Variants in C1D observed in about 807,000 individuals in gnomAD.
C1D encodes nuclear nucleic acid-binding protein C1D.
Under a neutral mutation model 17.5 loss-of-function variants are expected in C1D, and 10 were observed. The ratio of observed to expected loss-of-function variants is 0.57; its 90% confidence interval spans 0.35 to 0.97. C1D has a LOEUF of 0.97. Ranked by LOEUF, C1D falls within the 50% of genes least tolerant of loss-of-function variation. C1D has a pLI of 0.01. For synonymous variants in C1D, 49 were observed against 54.0 expected (o/e 0.91, Z 0.40); for missense variants, 136 against 160.1 (o/e 0.85, Z 0.81).
chr2:68,052,427 C>G (rs1270872541), intron 1 of C1D, among the ~76,000 whole-genome samples: 2 of 152,064 alleles, frequency 1.3e-5, no homozygotes, highest in African/African-American at 4.8e-5. Flanking sequence ...TGGCTCTTAA[C>G]AAATACTGTA....
Position 68,047,207 on chromosome 2 carries a change from A to G in C1D, c.104T>C (p.Met35Thr). The G allele has an allele frequency of 6.2e-7, 1 of 1,610,662 alleles. No individual in the cohort carries two copies. The highest frequency in any genetic ancestry group is 8.5e-7 in the Non-Finnish European group (1 of 1,179,190). The change falls in exon 2 of 5, where the codon ATG becomes ACG. Residue 35 changes from methionine to threonine, a missense_variant. Coordinates refer to ENST00000410067, the MANE Select transcript of C1D (RefSeq NM_173177.3). ...IGAVDEMLKT[M>T]MSVSRNELLQ... ...CAACTCATTTCTAGAAACAGACATCATGGTCTTCAGCATCTCATCCACAGC... is the reference window on the plus strand; with the variant it reads ...CAACTCATTTCTAGAAACAGACATCGTGGTCTTCAGCATCTCATCCACAGC...
chr2:68,046,597 G>A (rs1671128824), intron 2 of C1D, 187 bp from the exon 3 acceptor site: 1 of 509,108 alleles, frequency 2.0e-6, no homozygotes, highest in Admixed American at 3.7e-5. Context: ...TTTTCTTAAT[G>A]AGTGACTTTT....
rs932639143 is a variant in C1D at position 68,043,496 on chromosome 2, G to A, written c.262-443C>T. Among the ~76,000 whole-genome samples the A allele has an allele frequency of 2.6e-5, 4 of 152,068 alleles. 1 individual carries two copies. The highest frequency in any genetic ancestry group is 1.3e-4 in the Admixed American group (2 of 15,262). ...ATTTTTCTAAACAGGAAATACATGA[G>A]GTAGTACTTAACTATCTTTTCACAT... On this transcript the variant is annotated intron_variant, in intron 4 of 4. Transcript: ENST00000410067.
rs1264205234 is a variant in C1D, at chr2:68,041,348, T to C, written c.*1541A>G. 6.6e-6 allele frequency: 1 copy of C among 152,084 alleles called. No homozygotes were observed. Among genetic ancestry groups the C allele is most frequent in the Admixed American group, 6.5e-5 (1 of 15,278 alleles). 9.4% of individuals were successfully genotyped at this position (152,084 alleles called of 1,614,324 possible). ...TGTATAACATTTTTCATTTAAGCTG[T>C]TTTTCTTTTATGAAATTAGAAAATA... On this transcript the variant is annotated 3_prime_UTR_variant, in exon 5 of 5. Coordinates refer to ENST00000410067, the MANE Select transcript of C1D (RefSeq NM_173177.3).
intron 1 of C1D, among the ~76,000 whole-genome samples, chr2:68,059,158 T>A (rs1001020347): frequency 3.3e-5 from 5 of 152,106 alleles, no homozygotes; most frequent in African/African-American, 1.2e-4. Flanking sequence ...GCAGGAGAAG[T>A]GGCAAGAGAA....
At chr2:68,044,248 G>A (rs1181828861) in intron 4 of C1D, among the ~76,000 whole-genome samples, 1 of 152,182 alleles carries the variant, frequency 6.6e-6, no homozygotes, top group Non-Finnish European at 1.5e-5. Flanking sequence ...TGCCACAAGG[G>A]CAGGGATCAG....
In C1D at chr2:68,042,781, T is replaced by A; in HGVS notation, c.*108A>T. On this transcript the variant is annotated 3_prime_UTR_variant, in exon 5 of 5. Coordinates refer to ENST00000410067, the MANE Select transcript of C1D (RefSeq NM_173177.3). ...TACATATTTACTGTGAATTTACATA[T>A]TAATAAGAAACACATTTAAACCTTG... 1 of 559,006 alleles carries A rather than the reference T, an allele frequency of 1.8e-6. No homozygotes were observed. Among genetic ancestry groups the A allele is most frequent in the South Asian group, 2.0e-5 (1 of 50,870 alleles). The allele number at this position is 559,006 out of a possible 1,614,324, so 34.6% of individuals were successfully genotyped here. A position where few individuals can be genotyped will look rare whatever the true frequency, so the allele number is the denominator to read the frequency against.
chr2:68,057,969 T>C (rs1293921054), intron 1 of C1D, among the ~76,000 whole-genome samples: 1 of 152,240 alleles, frequency 6.6e-6, no homozygotes, highest in Non-Finnish European at 1.5e-5. Context: ...TCATCTTCTC[T>C]TTCTGCCCCC....
intron 1 of C1D, among the ~76,000 whole-genome samples, chr2:68,060,049 C>T (rs1274136960): frequency 1.3e-5 from 2 of 152,320 alleles, no homozygotes; most frequent in East Asian, 3.9e-4. Flanking sequence ...ACCTGCCCCT[C>T]CCACAGTTTT....
At chr2:68,048,702 C>T (rs989937112) in intron 1 of C1D, among the ~76,000 whole-genome samples, 2 of 151,884 alleles carry the variant, frequency 1.3e-5, no homozygotes, top group Admixed American at 6.6e-5. Flanking sequence ...GCAGTTAAGG[C>T]GATAAGAAAA....
rs1670984136 is a variant in C1D, at chr2:68,042,437, A to G, written c.*452T>C. ...TGAAAACATGATAAAGTATCTATAC[A>G]GAAAAAAATGAACATTTAAGTCATT... On this transcript the variant is annotated 3_prime_UTR_variant, in exon 5 of 5. Coordinates refer to ENST00000410067, the MANE Select transcript of C1D (RefSeq NM_173177.3). The G allele has an allele frequency of 6.5e-6, 1 of 153,220 alleles. No homozygotes were observed. The highest frequency in any genetic ancestry group is 2.4e-5 in the African/African-American group (1 of 41,470). 9.5% of individuals were successfully genotyped at this position (153,220 alleles called of 1,614,324 possible). A position where few individuals can be genotyped will look rare whatever the true frequency, so the allele number is the denominator to read the frequency against.
intron 1 of C1D, chr2:68,053,107 G>C (rs1440738950): frequency 3.2e-6 from 5 of 1,550,746 alleles, no homozygotes; most frequent in Non-Finnish European, 3.5e-6. Flanking sequence ...GGTACTCCTT[G>C]CCCTTCCACA....
intron 4 of C1D, 46 bp downstream of exon 4, chr2:68,045,942 G>C: frequency 3.0e-6 from 4 of 1,314,340 alleles, no homozygotes; most frequent in Non-Finnish European, 4.3e-6. Context: ...CAAACCTCAG[G>C]AATACAACAA....
intron 1 of C1D, among the ~76,000 whole-genome samples, chr2:68,055,454 A>G (rs531804846): frequency 7.2e-5 from 11 of 152,102 alleles, no homozygotes; most frequent in South Asian, 4.2e-4. Flanking sequence ...CCAGGTTTCC[A>G]TAACAAGTCA....
intron 1 of C1D, among the ~76,000 whole-genome samples, chr2:68,053,979 T>C (rs1671360000): frequency 6.6e-6 from 1 of 152,218 alleles, no homozygotes; most frequent in Non-Finnish European, 1.5e-5. Flanking sequence ...AGCTGTCATG[T>C]CACTTAAAAC....
chr2:68,044,024 T>TCCTCTCTTCCTTC (rs1240515515), intron 4 of C1D, among the ~76,000 whole-genome samples: 2 of 152,192 alleles, frequency 1.3e-5, no homozygotes, highest in Admixed American at 1.3e-4. Context: ...TACGGCCACT[T>TCCTCTCTTCCTTC]CCTCTCTTCC....
Position 68,041,436 on chromosome 2 carries a change from T to C in C1D, c.*1453A>G, listed in dbSNP as rs1039306487. On this transcript the variant is annotated 3_prime_UTR_variant, in exon 5 of 5. Transcript: ENST00000410067. The stretch of plus-strand genomic sequence containing the variant: ...ACAAAGACAGGTACACTACACTTGA[T>C]CTTAACAGTAACACATTTCTCTCAT... 6.6e-6 allele frequency: 1 copy of C among 152,034 alleles called. No individual in the cohort carries two copies. Among genetic ancestry groups the C allele is most frequent in the African/African-American group, 2.4e-5 (1 of 41,452 alleles). The allele number at this position is 152,034 out of a possible 1,614,324, so 9.4% of individuals were successfully genotyped here.
At chr2:68,058,973 T>TC (rs2103817195) in intron 1 of C1D, among the ~76,000 whole-genome samples, 1 of 152,300 alleles carries the variant, frequency 6.6e-6, no homozygotes. Context: ...GTCCTTTCCC[T>TC]CTACTTGGAA....
chr2:68,051,402 A>T (rs72821821), intron 1 of C1D, among the ~76,000 whole-genome samples: 7,435 of 152,244 alleles, frequency 0.049, 346 homozygotes, highest in East Asian at 0.27. Context: ...TTATGCCTGT[A>T]ATCCAAGCAC....
Sources: gnomAD v4.1 joint callset for allele counts (sites outside exome capture counted in the v4.1 genomes callset) on GRCh38, gnomAD v4.1.1 for gene constraint, MANE v1.5 for transcripts, NCBI Gene and HGNC (gene_info 2026-07-23, HGNC 2026-07-21) for gene names.